The following FAM169A variants were observed in gnomAD, a reference collection of about 807,000 sequenced individuals.
The protein encoded by FAM169A is family with sequence similarity 169 member A.
FAM169A carries 24 observed loss-of-function variants against 75.7 expected under a neutral mutation model. The ratio of observed to expected loss-of-function variants is 0.32; its 90% CI spans 0.23 to 0.45. The LOEUF is 0.45. FAM169A is among the 20% of genes least tolerant of loss of function. The pLI is 1.00. For missense variants in FAM169A, 673 were observed against 784.0 expected, an observed-to-expected ratio of 0.86 and a Z score of 1.69; for synonymous variants, 271 against 271.0, an observed-to-expected ratio of 1.00 and a Z score of 0.00.
At chr5:74,856,861 G>A (rs1052088833) in intron 1 of FAM169A, among the ~76,000 whole-genome samples, 3 of 150,796 alleles carry the variant, frequency 2.0e-5, no homozygotes, top group Admixed American at 1.3e-4. Context: ...TGTAATCCCA[G>A]TGCTTTTGGA....
chr5:74,864,524 G>A (rs1031261883), intron 1 of FAM169A, among the ~76,000 whole-genome samples: 1 of 152,162 alleles, frequency 6.6e-6, no homozygotes, highest in Admixed American at 6.5e-5. Flanking sequence ...CACCGCACCC[G>A]GCCTATATCC....
intron 11 of FAM169A, among the ~76,000 whole-genome samples, chr5:74,789,567 G>C (rs766725621): frequency 9.2e-5 from 14 of 152,210 alleles, no homozygotes; most frequent in Non-Finnish European, 1.5e-4. Context: ...ACAGGTCCAG[G>C]CTGCTGTGCA....
intron 7 of FAM169A, among the ~76,000 whole-genome samples, chr5:74,804,816 T>G (rs191251259): frequency 1.7e-4 from 26 of 152,192 alleles, no homozygotes; most frequent in Non-Finnish European, 3.4e-4. Context: ...TTTAGTAGCT[T>G]TGGGGAGAAG....
At chr5:74,854,048 CATGAG>C (rs1749582846) in intron 1 of FAM169A, among the ~76,000 whole-genome samples, 1 of 151,790 alleles carries the variant, frequency 6.6e-6, no homozygotes, top group Admixed American at 6.6e-5. Context: ...TTATGGGATA[CATGAG>C]ATATTTCAAT....
chr5:74,812,229 TTCTCCCACTTCAGC>T lies in FAM169A; in HGVS notation c.670+1597_670+1610del, dbSNP rs1301840665. Among the ~76,000 whole-genome samples the T allele has an allele frequency of 9.3e-4, 141 of 152,292 alleles. 1 individual carries two copies. Among genetic ancestry groups the T allele is most frequent in the Middle Eastern group, 3.4e-3 (1 of 294 alleles). ...GCTTTGACCTCCTGGGCTCAAGCAA[TTCTCCCACTTCAGC>T]CCCTCAAGTAACCGGGACTACAGGC... On this transcript the variant is annotated intron_variant, in intron 6 of 12. Transcript: ENST00000687041.
At chr5:74,848,290 T>C (rs1211799532) in intron 1 of FAM169A, among the ~76,000 whole-genome samples, 2 of 152,114 alleles carry the variant, frequency 1.3e-5, no homozygotes, top group Non-Finnish European at 2.9e-5. Context: ...ACATTTACTA[T>C]ATAACAAGGA....
At chr5:74,847,987 G>A (rs759538851) in intron 1 of FAM169A, among the ~76,000 whole-genome samples, 5 of 151,966 alleles carry the variant, frequency 3.3e-5, no homozygotes, top group South Asian at 2.1e-4. Context: ...TTCTGAACAC[G>A]GTTTAAAAAC....
upstream of FAM169A, chr5:74,866,471 C>A: frequency 1.2e-6 from 1 of 804,368 alleles, no homozygotes; most frequent in African/African-American, 1.9e-5. Flanking sequence ...CGGAGCGGCC[C>A]CTCCTCGGAG....
intron 5 of FAM169A, among the ~76,000 whole-genome samples, chr5:74,814,547 GT>G (rs1484676217): frequency 6.6e-6 from 1 of 151,976 alleles, no homozygotes; most frequent in African/African-American, 2.4e-5. Context: ...AAGTGAATTA[GT>G]TCTCCAAATT....
chr5:74,857,977 T>C (rs1014741383), intron 1 of FAM169A, among the ~76,000 whole-genome samples: 2 of 152,204 alleles, frequency 1.3e-5, no homozygotes, highest in Non-Finnish European at 2.9e-5. Flanking sequence ...ATCACTTCTA[T>C]TTCCTCTTTC....
At chr5:74,823,283 A>G (rs1747855233) in intron 5 of FAM169A, among the ~76,000 whole-genome samples, 1 of 152,102 alleles carries the variant, frequency 6.6e-6, no homozygotes, top group Admixed American at 6.6e-5. Context: ...CTAAACTTTC[A>G]TGACTCTCTG....
intron 11 of FAM169A, among the ~76,000 whole-genome samples, chr5:74,788,531 C>A (rs763962513): frequency 1.2e-4 from 18 of 151,964 alleles, no homozygotes; most frequent in Non-Finnish European, 2.6e-4. Flanking sequence ...CATGGAGAAA[C>A]CCCATCTCTA....
At chr5:74,862,381 A>G (rs1041360854) in intron 1 of FAM169A, among the ~76,000 whole-genome samples, 5 of 152,198 alleles carry the variant, frequency 3.3e-5, no homozygotes, top group Non-Finnish European at 1.5e-5. Context: ...TTATAACTCT[A>G]TGCTTTAGCA....
At position 74,799,745 on chromosome 5, in the gene FAM169A, T is replaced by C; in HGVS notation, c.1103+1135A>G. The C allele has an allele frequency of 2.6e-6, 3 of 1,140,938 alleles. 1 individual carries two copies. In the South Asian group the frequency reaches 3.7e-5, roughly 14 times the overall value. 70.7% of individuals were successfully genotyped at this position (1,140,938 alleles called of 1,614,324 possible). ...AGACGGAGTTCCAGCTGCTCCTGAG[T>C]GTGTCATCTGTCTCAGACAACAGCG... On this transcript the variant is annotated intron_variant, in intron 10 of 12. Coordinates refer to ENST00000687041, the MANE Select transcript of FAM169A (RefSeq NM_001376049.1).
At chr5:74,825,213 T>C (rs1018046047) in intron 5 of FAM169A, among the ~76,000 whole-genome samples, 2 of 152,202 alleles carry the variant, frequency 1.3e-5, no homozygotes, top group Non-Finnish European at 2.9e-5. Flanking sequence ...AGGTATTCTA[T>C]GAACTCTATC....
chr5:74,831,859 A>T (rs568280900), intron 5 of FAM169A, among the ~76,000 whole-genome samples: 5 of 152,304 alleles, frequency 3.3e-5, no homozygotes, highest in African/African-American at 1.2e-4. Flanking sequence ...ACATTATGAG[A>T]CACGGACAGA....
intron 11 of FAM169A, among the ~76,000 whole-genome samples, chr5:74,786,777 T>G (rs556763740): frequency 6.6e-6 from 1 of 152,252 alleles, no homozygotes; most frequent in African/African-American, 2.4e-5. Flanking sequence ...CCTCTTATCA[T>G]GTAAGTGGCT....
chr5:74,837,313 T>G (rs550284175), intron 4 of FAM169A, among the ~76,000 whole-genome samples: 2 of 152,308 alleles, frequency 1.3e-5, no homozygotes, highest in East Asian at 1.9e-4. Flanking sequence ...TGCAGGGATA[T>G]AATTCCCTCC....
intron 6 of FAM169A, among the ~76,000 whole-genome samples, chr5:74,812,084 C>T (rs1400586563): frequency 2.6e-5 from 4 of 152,186 alleles, no homozygotes; most frequent in Non-Finnish European, 5.9e-5. Flanking sequence ...ATGGATGGTA[C>T]ATGCTGACAT....
Sources: gnomAD v4.1 joint callset for allele counts (sites outside exome capture counted in the v4.1 genomes callset) on GRCh38, gnomAD v4.1.1 for gene constraint, MANE v1.5 for transcripts, NCBI Gene and HGNC (gene_info 2026-07-23, HGNC 2026-07-21) for gene names.